CEP57L1: variants seen among roughly 807,000 people sequenced by gnomAD.
CEP57L1 encodes centrosomal protein 57 like 1.
CEP57L1 carries 37 observed loss-of-function variants against 61.0 expected under a neutral mutation model. The ratio of observed to expected loss-of-function variants is 0.61; its 90% CI spans 0.47 to 0.80. The LOEUF (loss-of-function observed/expected upper bound fraction) is 0.80, where lower values mean the gene tolerates loss of function less well. Ranked by LOEUF, CEP57L1 falls within the 30% of genes least tolerant of loss-of-function variation. The pLI, the probability that CEP57L1 is intolerant of heterozygous loss-of-function variation, is 0.00. For missense variants in CEP57L1, 422 were observed against 524.7 expected (o/e 0.80, Z 1.91); for synonymous variants, 137 against 162.3 (o/e 0.84, Z 1.19).
chr6:109,164,661 G>C lies in CEP57L1; in HGVS notation c.*1691G>C, dbSNP rs1773973773. ...CTTTTTAGCTTTCTGCTATCCACCA[G>C]GACCATAATGCAGACCTATAGTTCT... On this transcript the variant is annotated 3_prime_UTR_variant, in exon 11 of 11. Coordinates refer to ENST00000517392, the MANE Select transcript of CEP57L1 (RefSeq NM_001271852.3). Among the ~76,000 whole-genome samples the C allele has an allele frequency of 6.6e-6, 1 of 151,980 alleles. No individual in the cohort carries two copies. Among genetic ancestry groups the C allele is most frequent in the Non-Finnish European group, 1.5e-5 (1 of 68,010 alleles).
At chr6:109,105,780 G>A (rs576108888) in intron 1 of CEP57L1, among the ~76,000 whole-genome samples, 1 of 152,250 alleles carries the variant, frequency 6.6e-6, no homozygotes, top group African/African-American at 2.4e-5. Flanking sequence ...GACTGGTACG[G>A]GTTCGTGGCC....
chr6:109,152,636 CGTGTGTGTGTGTGTGTGTGTGTGTGTGT>C (rs59562316), intron 4 of CEP57L1, among the ~76,000 whole-genome samples: 3 of 145,100 alleles, frequency 2.1e-5, no homozygotes, highest in Admixed American at 2.1e-4. Flanking sequence ...GATGTGCGTG[CGTGTGTGTGTGTGTGTGTGTGTGTGTGT>C]GTGTGTGTGT....
At chr6:109,112,491 GT>G (rs1269689001) in intron 1 of CEP57L1, among the ~76,000 whole-genome samples, 3 of 151,768 alleles carry the variant, frequency 2.0e-5, no homozygotes, top group Admixed American at 2.0e-4. Flanking sequence ...TTTTTGAAGG[GT>G]TTTTGTGTCT....
intron 1 of CEP57L1, among the ~76,000 whole-genome samples, chr6:109,136,065 G>A (rs1031503669): frequency 6.6e-6 from 1 of 152,102 alleles, no homozygotes; most frequent in African/African-American, 2.4e-5. Flanking sequence ...CCATTACTGG[G>A]TATATACCCA....
intron 1 of CEP57L1, among the ~76,000 whole-genome samples, chr6:109,099,532 T>G (rs1381727649): frequency 6.7e-6 from 1 of 148,930 alleles, no homozygotes; most frequent in East Asian, 1.9e-4. Flanking sequence ...GTACTTTTAT[T>G]TATTTATTTA....
chr6:109,112,817 G>A (rs1488684416), intron 1 of CEP57L1, among the ~76,000 whole-genome samples: 2 of 152,208 alleles, frequency 1.3e-5, no homozygotes, highest in Admixed American at 6.5e-5. Flanking sequence ...TAGTTGTGCA[G>A]TTCTGAGTGA....
rs1773863213 is a variant in CEP57L1, at chr6:109,163,034, T to C, written c.*64T>C. 1.0e-6 allele frequency: 1 copy of C among 1,001,882 alleles called. No individual in the cohort carries two copies. Among genetic ancestry groups the C allele is most frequent in the Admixed American group, 2.3e-5 (1 of 44,068 alleles). 62.1% of individuals were successfully genotyped at this position (1,001,882 alleles called of 1,614,324 possible). On this transcript the variant is annotated 3_prime_UTR_variant, in exon 11 of 11. Coordinates refer to ENST00000517392, the MANE Select transcript of CEP57L1 (RefSeq NM_001271852.3). ...TGAGACCTTGAATTGTCTAAAGTGG[T>C]TTTAATTTAATATAACTTTGTGACA... is the stretch of plus-strand genomic sequence containing the variant.
chr6:109,146,963 A>G (rs1772031547), intron 3 of CEP57L1, 26 bp downstream of exon 3: 1 of 1,577,980 alleles, frequency 6.3e-7, no homozygotes, highest in Non-Finnish European at 8.6e-7. Flanking sequence ...GTTCTCAGAA[A>G]CCGGGGGTTA....
At chr6:109,136,531 T>A (rs1293004976) in intron 1 of CEP57L1, among the ~76,000 whole-genome samples, 1 of 150,782 alleles carries the variant, frequency 6.6e-6, no homozygotes, top group Non-Finnish European at 1.5e-5. Flanking sequence ...AACCTGCACG[T>A]TGTGCACATG....
chr6:109,100,672 CAAAAAA>C (rs539993641), intron 1 of CEP57L1, among the ~76,000 whole-genome samples: 4 of 74,052 alleles, frequency 5.4e-5, no homozygotes, highest in Non-Finnish European at 5.2e-5. Context: ...GAGATTGTCT[CAAAAAA>C]AAAAAAAAAA....
At chr6:109,097,897 C>T (rs539049383) in intron 1 of CEP57L1, among the ~76,000 whole-genome samples, 1 of 152,228 alleles carries the variant, frequency 6.6e-6, no homozygotes, top group African/African-American at 2.4e-5. Context: ...AGTGCAAAGG[C>T]CTTGGGCAGA....
At chr6:109,130,868 GTTGT>G (rs1394631958) in intron 1 of CEP57L1, 2 of 151,968 alleles carry the variant, frequency 1.3e-5, no homozygotes, top group African/African-American at 4.8e-5. Context: ...CTATCAGAGT[GTTGT>G]TTGTCTTTCT....
intron 1 of CEP57L1, among the ~76,000 whole-genome samples, chr6:109,103,324 A>G (rs1280411524): frequency 6.6e-6 from 1 of 152,158 alleles, no homozygotes; most frequent in Non-Finnish European, 1.5e-5. Flanking sequence ...CAAGTACTAT[A>G]TGTGTACTTT....
chr6:109,140,402 T>A (rs902041795), intron 1 of CEP57L1: 7 of 146,046 alleles, frequency 4.8e-5, no homozygotes, highest in Non-Finnish European at 1.5e-5. Flanking sequence ...TTGTATTAAT[T>A]TTTTTTTTTT....
chr6:109,121,820 A>G (rs367886185), intron 1 of CEP57L1, among the ~76,000 whole-genome samples: 2 of 152,334 alleles, frequency 1.3e-5, no homozygotes, highest in East Asian at 3.9e-4. Context: ...GGAAAGGGAA[A>G]CAATTTTATA....
chr6:109,118,882 T>G (rs1157797928), intron 1 of CEP57L1, among the ~76,000 whole-genome samples: 1 of 152,190 alleles, frequency 6.6e-6, no homozygotes, highest in Non-Finnish European at 1.5e-5. Context: ...TTAAATTAGG[T>G]GCTGAGATTG....
intron 1 of CEP57L1, among the ~76,000 whole-genome samples, chr6:109,138,727 A>G (rs147838673): frequency 4.9e-4 from 75 of 152,318 alleles, no homozygotes; most frequent in African/African-American, 1.8e-3. Flanking sequence ...TTTTCTTTTA[A>G]GATAAGTATG....
intron 5 of CEP57L1, among the ~76,000 whole-genome samples, chr6:109,154,468 C>T (rs1020774143): frequency 5.9e-5 from 9 of 151,446 alleles, no homozygotes; most frequent in African/African-American, 1.5e-4. Flanking sequence ...ATATATGGTG[C>T]CTGTCAAGTT....
At chr6:109,118,734 G>A (rs189351202) in intron 1 of CEP57L1, among the ~76,000 whole-genome samples, 11 of 152,296 alleles carry the variant, frequency 7.2e-5, no homozygotes, top group Admixed American at 7.2e-4. Flanking sequence ...ACTACAATCA[G>A]TAGCTAGCAC....
Sources: gnomAD v4.1 joint callset for allele counts (sites outside exome capture counted in the v4.1 genomes callset) on GRCh38, gnomAD v4.1.1 for gene constraint, MANE v1.5 for transcripts, NCBI Gene and HGNC (gene_info 2026-07-23, HGNC 2026-07-21) for gene names.